SDS: variants seen among roughly 807,000 people sequenced by gnomAD.
SDS encodes the protein L-serine dehydratase/L-threonine deaminase.
A neutral mutation model predicts 29.3 loss-of-function variants in SDS; 19 were observed. That is an observed-to-expected ratio of 0.65 (90% confidence interval 0.45 to 0.95). The LOEUF (loss-of-function observed/expected upper bound fraction) is 0.95, where lower values mean the gene tolerates loss of function less well. Among genes scored for constraint, SDS ranks in the 40% least tolerant of loss-of-function variants. The probability of loss-of-function intolerance (pLI) is 0.00; values close to 1 mark genes in which losing one functional copy is unlikely to be tolerated. For missense variants in SDS, 375 were observed against 439.9 expected (o/e 0.85, Z 1.32); for synonymous variants, 176 against 189.0 (o/e 0.93, Z 0.56).
chr12:113,402,868 G>T (rs146170996), intron 1 of SDS, among the ~76,000 whole-genome samples: 14 of 152,308 alleles, frequency 9.2e-5, no homozygotes, highest in African/African-American at 3.1e-4. Flanking sequence ...GGTTGTGCCC[G>T]GGGAGGAGGA....
At chr12:113,396,439 CTTTT>C (rs747867036) in intron 6 of SDS, among the ~76,000 whole-genome samples, 2 of 145,586 alleles carry the variant, frequency 1.4e-5, no homozygotes, top group Non-Finnish European at 3.0e-5. Flanking sequence ...CTTTCTCTTT[CTTTT>C]TCTTTCTCTC....
rs778953199 is a variant in SDS at position 113,392,501 on chromosome 12, T to G, written c.*440A>C. 2 of 162,354 alleles carry G rather than the reference T, an allele frequency of 1.2e-5. No individual in the cohort carries two copies. Among genetic ancestry groups the G allele is most frequent in the African/African-American group, 4.8e-5 (2 of 41,696 alleles). 10.1% of individuals were successfully genotyped at this position (162,354 alleles called of 1,614,324 possible). ...GAAAAAGTTTGCACATTAGAAAAAT[T>G]AGTAAGGGTCAGGGGTGGGCTTCCT... On this transcript the variant is annotated 3_prime_UTR_variant, in exon 8 of 8. Coordinates refer to ENST00000257549, the MANE Select transcript of SDS (RefSeq NM_006843.3).
chr12:113,392,827 C>G lies in SDS; in HGVS notation c.*114G>C. 9.9e-7 allele frequency: 1 copy of G among 1,010,224 alleles called. No homozygotes were observed. The highest frequency in any genetic ancestry group is 1.5e-6 in the Non-Finnish European group (1 of 659,918). 62.6% of individuals were successfully genotyped at this position (1,010,224 alleles called of 1,614,324 possible). A position where few individuals can be genotyped will look rare whatever the true frequency, so the allele number is the denominator to read the frequency against. The stretch of plus-strand genomic sequence containing the variant: ...GGGCTCCTGATAACAAGAAGTTAAC[C>G]TGCACCCAGGCCACAGGTGCTCAGC... On this transcript the variant is annotated 3_prime_UTR_variant, in exon 8 of 8. Coordinates refer to ENST00000257549, the MANE Select transcript of SDS (RefSeq NM_006843.3).
chr12:113,393,063 C>T lies in SDS; in HGVS notation c.865G>A (p.Gly289Arg). The T allele has an allele frequency of 6.2e-7, 1 of 1,614,220 alleles. No homozygotes were observed. The highest frequency in any genetic ancestry group is 8.5e-7 in the Non-Finnish European group (1 of 1,180,044). The part of the protein sequence containing the change: ...SHVIQKLQLE[G>R]NLRTPLPSLV... ...GATGGCAGCGGGGTTCGGAGATTCC[C>T]CTCCAGTTGGAGCTTCTGGATCACG... Residue 289 changes from glycine (G) to arginine (R), a missense_variant, in exon 8 of 8, where the codon GGG (glycine) becomes AGG (arginine). Coordinates refer to ENST00000257549, the MANE Select transcript of SDS (RefSeq NM_006843.3).
Position 113,398,962 on chromosome 12 carries a change from C to T in SDS, c.194-116G>A, listed in dbSNP as rs548635684. 2,045 of 1,518,952 alleles carry T rather than the reference C, an allele frequency of 1.3e-3. 3 individuals are homozygous for T. The highest frequency in any genetic ancestry group is 1.7e-3 in the Non-Finnish European group (1,875 of 1,119,914). The allele number at this position is 1,518,952 out of a possible 1,614,324, so 94.1% of individuals were successfully genotyped here. A position where few individuals can be genotyped will look rare whatever the true frequency, so the allele number is the denominator to read the frequency against. On this transcript the variant is annotated intron_variant, in intron 3 of 7. Coordinates refer to ENST00000257549, the MANE Select transcript of SDS (RefSeq NM_006843.3). ...TCCCCCCTCACCTCCCCACCCTGGG[C>T]GACTGCTGGCCTCCCCCTGGAATTC...
intron 1 of SDS, among the ~76,000 whole-genome samples, chr12:113,402,713 G>A (rs771919812): frequency 1.3e-5 from 2 of 152,192 alleles, no homozygotes; most frequent in African/African-American, 2.4e-5. Context: ...CTCTCTCGCC[G>A]TTTGTCCCAG....
intron 1 of SDS, among the ~76,000 whole-genome samples, chr12:113,402,913 C>T (rs984064382): frequency 9.2e-5 from 14 of 152,214 alleles, no homozygotes; most frequent in African/African-American, 9.6e-5. Context: ...CTGCCCACTC[C>T]GGCAGTCGGA....
At chr12:113,398,936 T>G (rs111765227) in intron 3 of SDS, 90 bp from the exon 4 acceptor site, 2 of 1,520,288 alleles carry the variant, frequency 1.3e-6, no homozygotes, top group South Asian at 1.2e-5. Flanking sequence ...GGCTCTGGAG[T>G]TCCCCCCTCA....
intron 1 of SDS, among the ~76,000 whole-genome samples, chr12:113,400,663 TA>T (rs1448286621): frequency 6.6e-6 from 1 of 152,034 alleles, no homozygotes; most frequent in East Asian, 1.9e-4. Flanking sequence ...TATATTTTTT[TA>T]ATTTTTTTAT....
chr12:113,399,222 G>T (rs1957668747), intron 2 of SDS, 71 bp from the exon 3 acceptor site: 5 of 1,513,428 alleles, frequency 3.3e-6, no homozygotes, highest in Non-Finnish European at 3.7e-6. Context: ...TCCCCACCTG[G>T]AATACCTGCC....
At chr12:113,400,748 G>A (rs1957680098) in intron 1 of SDS, among the ~76,000 whole-genome samples, 1 of 151,896 alleles carries the variant, frequency 6.6e-6, no homozygotes, top group South Asian at 2.1e-4. Context: ...ATGACAGGCT[G>A]GCCAGGGTGG....
intron 6 of SDS, among the ~76,000 whole-genome samples, chr12:113,394,589 C>G (rs572677905): frequency 6.6e-6 from 1 of 152,124 alleles, no homozygotes; most frequent in African/African-American, 2.4e-5. Flanking sequence ...ATCCACCCCC[C>G]TCGGCCTTCC....
Position 113,403,865 on chromosome 12 carries a change from G to C in SDS, c.-100C>G, listed in dbSNP as rs1957702028. On this transcript the variant is annotated 5_prime_UTR_variant, in exon 1 of 8. Coordinates refer to ENST00000257549, the MANE Select transcript of SDS (RefSeq NM_006843.3). Reference sequence around the variant, plus strand: ...CCACGAAGAGAGGGGGCTGAGGACGGGTGGACAGTCTTCTGAATGGTCCCA... The same window carrying C: ...CCACGAAGAGAGGGGGCTGAGGACGCGTGGACAGTCTTCTGAATGGTCCCA... The C allele has an allele frequency of 6.6e-6, 1 of 152,538 alleles. No homozygotes were observed. Among genetic ancestry groups the C allele is most frequent in the African/African-American group, 2.4e-5 (1 of 41,466 alleles). 9.4% of individuals were successfully genotyped at this position (152,538 alleles called of 1,614,324 possible).
Position 113,392,817 on chromosome 12 carries a change from A to G in SDS, c.*124T>C, listed in dbSNP as rs2136931248. On this transcript the variant is annotated 3_prime_UTR_variant, in exon 8 of 8. Coordinates refer to ENST00000257549, the MANE Select transcript of SDS (RefSeq NM_006843.3). ...TCTGCATAGTGGGCTCCTGATAACA[A>G]GAAGTTAACCTGCACCCAGGCCACA... The G allele has an allele frequency of 1.1e-6, 1 of 923,030 alleles. No individual in the cohort carries two copies. Among genetic ancestry groups the G allele is most frequent in the Non-Finnish European group, 1.7e-6 (1 of 583,220 alleles). The allele number at this position is 923,030 out of a possible 1,614,324, so 57.2% of individuals were successfully genotyped here.
chr12:113,397,535 A>T, intron 5 of SDS, 143 bp from the exon 6 acceptor site: 1 of 685,290 alleles, frequency 1.5e-6, no homozygotes, highest in Non-Finnish European at 2.5e-6. Context: ...AGCTGCCAGC[A>T]TCTGTGTCTC....
intron 7 of SDS, among the ~76,000 whole-genome samples, chr12:113,393,553 C>A (rs886511448): frequency 1.8e-4 from 28 of 152,198 alleles, no homozygotes; most frequent in African/African-American, 6.5e-4. Flanking sequence ...GTTACAGACT[C>A]ACCTCTGAAT....
chr12:113,394,915 G>A (rs537808212), intron 6 of SDS, among the ~76,000 whole-genome samples: 6 of 152,086 alleles, frequency 3.9e-5, no homozygotes, highest in Non-Finnish European at 8.8e-5. Context: ...TGAGTCCCAC[G>A]GCCCTATGTG....
intron 6 of SDS, among the ~76,000 whole-genome samples, chr12:113,394,591 C>T (rs1369844579): frequency 2.6e-5 from 4 of 152,086 alleles, no homozygotes; most frequent in South Asian, 2.1e-4. Flanking sequence ...CCACCCCCCT[C>T]GGCCTTCCAA....
At chr12:113,403,554 G>A (rs922917890) in intron 1 of SDS, among the ~76,000 whole-genome samples, 5 of 147,974 alleles carry the variant, frequency 3.4e-5, no homozygotes, top group Admixed American at 6.6e-5. Flanking sequence ...TGTAGAGATT[G>A]GGGGGGGTCT....
Sources: gnomAD v4.1 joint callset for allele counts (sites outside exome capture counted in the v4.1 genomes callset) on GRCh38, gnomAD v4.1.1 for gene constraint, MANE v1.5 for transcripts, NCBI Gene and HGNC (gene_info 2026-07-23, HGNC 2026-07-21) for gene names.